The following NUP98 variants were observed in gnomAD, a reference collection of about 807,000 sequenced individuals.
The protein encoded by NUP98 is nucleoporin 98 and 96 precursor, also known as nuclear pore complex protein Nup98-Nup96.
Under a neutral mutation model 191.9 loss-of-function variants are expected in NUP98, and 26 were observed. The observed-to-expected ratio is 0.14, with a 90% CI of 0.10 to 0.19. The LOEUF is 0.19. Among genes scored for constraint, NUP98 ranks in the 10% least tolerant of loss-of-function variants. The pLI is 1.00. For missense variants in NUP98, 1,941 were observed against 2,178.8 expected (o/e 0.89, Z 2.17); for synonymous variants, 808 against 778.4 (o/e 1.04, Z -0.63).
rs1277361754 is a variant in NUP98 at position 3,744,520 on chromosome 11, T to TG, written c.1396dup (p.Gln466ProfsTer25). On this transcript the variant is annotated frameshift_variant, in exon 12 of 33. Coordinates refer to ENST00000324932, the MANE Select transcript of NUP98 (RefSeq NM_016320.5). LOFTEE classifies it high-confidence loss of function. ...TGACTGACACTTACCTACTGGGGCC[T>TG]GGGGGGCTCCAAAGCCCAAAGTGGC... The TG allele has an allele frequency of 1.2e-6, 2 of 1,611,972 alleles. No individual in the cohort carries two copies. Among genetic ancestry groups the TG allele is most frequent in the Non-Finnish European group, 1.7e-6 (2 of 1,179,256 alleles).
intron 5 of NUP98, among the ~76,000 whole-genome samples, 193 bp from the exon 6 acceptor site, chr11:3,773,932 G>A (rs779366028): frequency 6.6e-6 from 1 of 152,030 alleles, no homozygotes; most frequent in Non-Finnish European, 1.5e-5. Flanking sequence ...TGAATAAATC[G>A]ATCTTAGTAA....
Position 3,676,353 on chromosome 11 carries a change from G to C in NUP98, c.5209C>G (p.Leu1737Val), listed in dbSNP as rs1050212792. Reference protein sequence around the residue: ...QSDMAKRVANLLRVVLSLHHP... With the variant: ...QSDMAKRVANVLRVVLSLHHP... ...TGCAGACTCAGCACCACGCGCAGCAGGTTGGCTACACGTTTGGCCATGTCT... is the reference window on the plus strand; with the variant it reads ...TGCAGACTCAGCACCACGCGCAGCACGTTGGCTACACGTTTGGCCATGTCT... The change falls in exon 33 of 33, where the codon CTG becomes GTG. Residue 1737 changes from leucine (L) to valine (V), a missense_variant. By Grantham distance (32) the Leu-to-Val change is conservative. Coordinates refer to ENST00000324932, the MANE Select transcript of NUP98 (RefSeq NM_016320.5). 1.9e-6 allele frequency: 3 copies of C among 1,613,906 alleles called. No homozygotes were observed. The highest frequency in any genetic ancestry group is 1.3e-5 in the African/African-American group (1 of 74,922).
At chr11:3,736,674 G>A (rs986805137) in intron 12 of NUP98, among the ~76,000 whole-genome samples, 1 of 152,096 alleles carries the variant, frequency 6.6e-6, no homozygotes, top group African/African-American at 2.4e-5. Flanking sequence ...CATCAACATA[G>A]GTTATGTAGT....
At chr11:3,698,725 CAAAAAAAAAA>C (rs549214359) in intron 25 of NUP98, among the ~76,000 whole-genome samples, 1 of 35,768 alleles carries the variant, frequency 2.8e-5, no homozygotes, top group South Asian at 1.5e-3. Context: ...GAAACTGTCT[CAAAAAAAAAA>C]AAAAAAAAAA....
chr11:3,767,521 G>A (rs892906090), intron 8 of NUP98, among the ~76,000 whole-genome samples: 6 of 151,180 alleles, frequency 4.0e-5, no homozygotes, highest in Non-Finnish European at 5.9e-5. Flanking sequence ...TAGCAGAGAC[G>A]GGGTTTCACC....
At chr11:3,703,818 TA>T (rs1468251891) in intron 22 of NUP98, among the ~76,000 whole-genome samples, 1 of 152,100 alleles carries the variant, frequency 6.6e-6, no homozygotes, top group Admixed American at 6.6e-5. Flanking sequence ...GACAGTTCTT[TA>T]AAAAAAAATT....
chr11:3,699,664 T>C (rs2078616999), intron 24 of NUP98, among the ~76,000 whole-genome samples: 1 of 152,242 alleles, frequency 6.6e-6, no homozygotes, highest in Non-Finnish European at 1.5e-5. Context: ...GATCAAATTC[T>C]GTCTATAAAA....
intron 2 of NUP98, among the ~76,000 whole-genome samples, chr11:3,781,109 C>A (rs965338782): frequency 1.4e-5 from 2 of 140,962 alleles, no homozygotes; most frequent in African/African-American, 5.4e-5. Context: ...GTGCTTGGGT[C>A]TGGGAGGTTG....
intron 16 of NUP98, among the ~76,000 whole-genome samples, chr11:3,721,684 G>A (rs908100803): frequency 6.6e-6 from 1 of 151,828 alleles, no homozygotes; most frequent in African/African-American, 2.4e-5. Flanking sequence ...GGGCAACCAA[G>A]AGTGAAACTC....
chr11:3,724,737 T>C (rs1308659958), intron 15 of NUP98, among the ~76,000 whole-genome samples: 3 of 136,248 alleles, frequency 2.2e-5, no homozygotes, highest in Admixed American at 1.5e-4. Context: ...TCTTGGCTCA[T>C]GCCACTGCAC....
chr11:3,713,767 G>A (rs2079090438), intron 19 of NUP98, 51 bp downstream of exon 19: 1 of 1,531,954 alleles, frequency 6.5e-7, no homozygotes, highest in Non-Finnish European at 8.9e-7. Context: ...TAAACGTTAT[G>A]TGACTCCAAA....
At chr11:3,685,911 T>C in intron 29 of NUP98, 62 bp downstream of exon 29, 1 of 1,300,406 alleles carries the variant, frequency 7.7e-7, no homozygotes, top group Non-Finnish European at 1.1e-6. Context: ...GAAAGACTGA[T>C]TCCTTTGGAA....
intron 11 of NUP98, among the ~76,000 whole-genome samples, chr11:3,746,054 A>T (rs761972552): frequency 2.8e-4 from 43 of 151,826 alleles, no homozygotes; most frequent in Non-Finnish European, 5.6e-4. Context: ...TGGATCACCT[A>T]AAGTTAGGAG....
intron 12 of NUP98, among the ~76,000 whole-genome samples, chr11:3,743,935 T>C (rs925946363): frequency 6.6e-6 from 1 of 151,910 alleles, no homozygotes; most frequent in African/African-American, 2.4e-5. Context: ...GGCATGCACC[T>C]GTAATCCCAG....
At position 3,725,175 on chromosome 11, in the gene NUP98, T is replaced by C. The variant is rs1564847581; in HGVS notation, c.1775A>G (p.Asn592Ser). 6.2e-7 allele frequency: 1 copy of C among 1,600,618 alleles called. No homozygotes were observed. The highest frequency in any genetic ancestry group is 1.1e-5 in the South Asian group (1 of 90,526). The change falls in exon 15 of 33, where the codon AAT (asparagine) becomes AGT (serine). Residue 592 changes from asparagine (N) to serine (S), a missense_variant. Asn to Ser is a conservative substitution (Grantham distance 46). Transcript: ENST00000324932. ...ATCACGATTAACAGGAGAAAAGAGA[T>C]TGCTATTATTAAGGTTCTTCAAAAC... ...KLVLKNLNNS[N>S]LFSPVNRDSE...
chr11:3,778,802 G>A (rs1294668173), intron 4 of NUP98, 71 bp downstream of exon 4: 29 of 1,469,002 alleles, frequency 2.0e-5, no homozygotes, highest in South Asian at 1.1e-4. Context: ...ACAGAAAAAC[G>A]GAGAAAAGAC....
chr11:3,702,801 AGATGCTGCTCTGG>A lies in NUP98; in HGVS notation c.3161_3173del (p.Pro1054LeufsTer2). On this transcript the variant is annotated frameshift_variant, in exon 23 of 33. Coordinates refer to ENST00000324932, the MANE Select transcript of NUP98 (RefSeq NM_016320.5). LOFTEE classifies it high-confidence loss of function. The stretch of plus-strand genomic sequence containing the variant: ...AGGATGTGGATGGGATATTCATTAA[AGATGCTGCTCTGG>A]GAGTACGACATTCTTGCACAGAGAC... The A allele has an allele frequency of 6.2e-7, 1 of 1,614,196 alleles. No individual in the cohort carries two copies. The highest frequency in any genetic ancestry group is 8.5e-7 in the Non-Finnish European group (1 of 1,180,026).
chr11:3,683,137 A>G, intron 30 of NUP98, 63 bp downstream of exon 30: 5 of 1,599,886 alleles, frequency 3.1e-6, no homozygotes, highest in Non-Finnish European at 4.3e-6. Flanking sequence ...TGACCCCATC[A>G]TGGAGGTTCA....
chr11:3,720,125 T>TTA (rs2079336342), intron 17 of NUP98, among the ~76,000 whole-genome samples: 1 of 152,120 alleles, frequency 6.6e-6, no homozygotes, highest in African/African-American at 2.4e-5. Context: ...CTCTTCCCAT[T>TTA]TATCTATAAT....
Sources: allele counts gnomAD v4.1 joint callset (sites outside exome capture counted in the v4.1 genomes callset), GRCh38; gene constraint gnomAD v4.1.1; transcripts MANE v1.5; gene names NCBI Gene and HGNC (gene_info 2026-07-23, HGNC 2026-07-21).